SEC23A: variants seen among roughly 807,000 people sequenced by gnomAD.
The protein encoded by SEC23A is protein transport protein Sec23A.
Under a neutral mutation model 103.7 loss-of-function variants are expected in SEC23A, and 56 were observed. The ratio of observed to expected loss-of-function variants is 0.54; its 90% CI spans 0.44 to 0.67. SEC23A has a LOEUF of 0.67. Among genes scored for constraint, SEC23A ranks in the 30% least tolerant of loss-of-function variants. SEC23A has a pLI of 0.00. For missense variants in SEC23A, 784 were observed against 936.4 expected, an observed-to-expected ratio of 0.84 and a Z score of 2.12; for synonymous variants, 281 against 293.0, an observed-to-expected ratio of 0.96 and a Z score of 0.42.
intron 17 of SEC23A, chr14:39,041,187 T>A (rs994791148): frequency 1.3e-5 from 3 of 232,632 alleles, no homozygotes; most frequent in Admixed American, 1.0e-4. Context: ...AAGCTTATGA[T>A]ACGTGAAAGC....
rs563192076 is a variant in SEC23A, at chr14:39,065,714, T to C, written c.1228-721A>G. 1.8e-4 allele frequency among the ~76,000 whole-genome samples: 28 copies of C among 152,150 alleles called. 1 individual carries two copies. The highest frequency in any genetic ancestry group is 1.8e-3 in the Admixed American group (27 of 15,274). On this transcript the variant is annotated intron_variant, in intron 10 of 19. Transcript: ENST00000307712. The stretch of plus-strand genomic sequence containing the variant: ...CCTCTAACATCTTTAAGAAAACAAC[T>C]GTGGCCAGGCGCGGTAGCTCACGCC...
intron 7 of SEC23A, 76 bp downstream of exon 7, chr14:39,085,686 A>G: frequency 1.0e-6 from 1 of 1,002,324 alleles, no homozygotes; most frequent in Non-Finnish European, 1.4e-6. Flanking sequence ...TTATAATTAT[A>G]TATACACACA....
At chr14:39,101,386 G>A (rs776005075) in intron 1 of SEC23A, among the ~76,000 whole-genome samples, 66 of 151,868 alleles carry the variant, frequency 4.3e-4, no homozygotes, top group Non-Finnish European at 7.9e-4. Context: ...TTTGGAGGCC[G>A]AGGAGGGTGG....
At chr14:39,043,430 T>C (rs542795866) in intron 16 of SEC23A, among the ~76,000 whole-genome samples, 1 of 152,276 alleles carries the variant, frequency 6.6e-6, no homozygotes, top group Non-Finnish European at 1.5e-5. Context: ...TCAAGAAGAA[T>C]TCAAGGATAA....
Position 39,103,165 on chromosome 14 carries a change from T to C in SEC23A, c.-155A>G, listed in dbSNP as rs1888182619. ...CAGTCCGTGGCACCGCAATCAGGGG[T>C]GGCGCCACCCCGCCCCGGGCCTCAG... On this transcript the variant is annotated 5_prime_UTR_variant, in exon 1 of 20. Transcript: ENST00000307712. 6.8e-6 allele frequency: 1 copy of C among 146,810 alleles called. No individual in the cohort carries two copies. The highest frequency in any genetic ancestry group is 6.8e-5 in the Admixed American group (1 of 14,782). 9.1% of individuals were successfully genotyped at this position (146,810 alleles called of 1,614,324 possible).
intron 9 of SEC23A, among the ~76,000 whole-genome samples, chr14:39,070,682 G>A (rs914859665): frequency 6.6e-6 from 1 of 152,174 alleles, no homozygotes; most frequent in Non-Finnish European, 1.5e-5. Context: ...GTTTTTGGAA[G>A]GGAACTTATT....
intron 14 of SEC23A, among the ~76,000 whole-genome samples, chr14:39,050,939 T>C (rs922384298): frequency 1.3e-5 from 2 of 152,146 alleles, no homozygotes; most frequent in Admixed American, 6.6e-5. Context: ...ATAAATGACT[T>C]AGGTGATAAC....
At chr14:39,062,392 C>T (rs909209225) in intron 12 of SEC23A, among the ~76,000 whole-genome samples, 3 of 151,994 alleles carry the variant, frequency 2.0e-5, no homozygotes, top group Admixed American at 1.3e-4. Context: ...CAGAAAGTTC[C>T]AGATTTTGAA....
At position 39,086,916 on chromosome 14, in the gene SEC23A, T is replaced by C; in HGVS notation, c.683+13A>G. ...TACAGAAACGGTCAAATTCTCTTCA[T>C]CATATTTATTACCTGTTGGAAGGAG... On this transcript the variant is annotated intron_variant, in intron 6 of 19. Coordinates refer to ENST00000307712, the MANE Select transcript of SEC23A (RefSeq NM_006364.4). The C allele has an allele frequency of 2.6e-6, 4 of 1,515,112 alleles. No individual in the cohort carries two copies. The highest frequency in any genetic ancestry group is 1.4e-5 in the African/African-American group (1 of 72,954). 93.9% of individuals were successfully genotyped at this position (1,515,112 alleles called of 1,614,324 possible).
intron 9 of SEC23A, among the ~76,000 whole-genome samples, chr14:39,069,784 A>C (rs1886782761): frequency 6.6e-6 from 1 of 152,100 alleles, no homozygotes; most frequent in Admixed American, 6.6e-5. Context: ...TCAACTTTGT[A>C]CTTGCTATTC....
intron 13 of SEC23A, among the ~76,000 whole-genome samples, chr14:39,056,032 A>G (rs908853690): frequency 7.2e-5 from 11 of 152,254 alleles, no homozygotes; most frequent in African/African-American, 2.4e-4. Flanking sequence ...TCTGGGCCAC[A>G]TAGCAGGAGT....
Position 39,047,807 on chromosome 14 carries a change from A to C in SEC23A, c.1737+845T>G, listed in dbSNP as rs1403767917. Among the ~76,000 whole-genome samples, 3 of 152,220 alleles carry C rather than the reference A, an allele frequency of 2.0e-5. No homozygotes were observed. The East Asian group carries it at 5.8e-4, about 29-fold the overall frequency. On this transcript the variant is annotated intron_variant, in intron 15 of 19. Coordinates refer to ENST00000307712, the MANE Select transcript of SEC23A (RefSeq NM_006364.4). ...CCATGTCAGTCACCTGTATCCTCCT[A>C]AAGTTCCCTGCACACAGCACTCTAA...
At chr14:39,054,402 T>G (rs1340875480) in intron 14 of SEC23A, among the ~76,000 whole-genome samples, 1 of 152,216 alleles carries the variant, frequency 6.6e-6, no homozygotes, top group Non-Finnish European at 1.5e-5. Flanking sequence ...GCACACGACT[T>G]GGTAATCTAG....
chr14:39,076,029 G>C lies in SEC23A; in HGVS notation c.893C>G (p.Pro298Arg). The C allele has an allele frequency of 6.2e-7, 1 of 1,613,554 alleles. No individual in the cohort carries two copies. The highest frequency in any genetic ancestry group is 8.5e-7 in the Non-Finnish European group (1 of 1,179,834). The change falls in exon 8 of 20, where the codon CCT (proline) becomes CGT (arginine). Residue 298 changes from proline (P) to arginine (R), a missense_variant. Pro to Arg is a moderately radical substitution (Grantham distance 103, BLOSUM62 -2). Coordinates refer to ENST00000307712, the MANE Select transcript of SEC23A (RefSeq NM_006364.4). ...CAACTCATCTCCAACCACCATTCCA[G>C]GCCCCTGAGTAGCAGGACCACCAAT... ...MFIGGPATQG[P>R]GMVVGDELKT...
intron 7 of SEC23A, among the ~76,000 whole-genome samples, chr14:39,079,294 T>C (rs906144354): frequency 1.3e-5 from 2 of 152,100 alleles, no homozygotes; most frequent in South Asian, 4.1e-4. Flanking sequence ...AGTGACAGGA[T>C]CTAGAAAAAA....
chr14:39,100,307 G>A (rs910620437), intron 1 of SEC23A, among the ~76,000 whole-genome samples: 3 of 152,076 alleles, frequency 2.0e-5, no homozygotes, highest in Non-Finnish European at 4.4e-5. Context: ...TTCCATAGTA[G>A]GAGTCATGCA....
At chr14:39,096,302 A>G (rs1206664793) in intron 1 of SEC23A, among the ~76,000 whole-genome samples, 163 bp from the exon 2 acceptor site, 1 of 152,208 alleles carries the variant, frequency 6.6e-6, no homozygotes, top group East Asian at 1.9e-4. Context: ...AGGCCGAGAC[A>G]GGCGGATCAC....
chr14:39,084,189 T>C (rs1887344801), intron 7 of SEC23A, among the ~76,000 whole-genome samples: 1 of 142,514 alleles, frequency 7.0e-6, no homozygotes, highest in South Asian at 2.2e-4. Flanking sequence ...GCCCGGCTAG[T>C]TTTTTTTTTT....
At chr14:39,066,938 T>G (rs1046600830) in intron 10 of SEC23A, among the ~76,000 whole-genome samples, 37 of 152,130 alleles carry the variant, frequency 2.4e-4, no homozygotes, top group African/African-American at 8.0e-4. Flanking sequence ...TAAAGAATAT[T>G]TTACCAATAT....
Sources: gnomAD v4.1 joint callset for allele counts (sites outside exome capture counted in the v4.1 genomes callset) on GRCh38, gnomAD v4.1.1 for gene constraint, MANE v1.5 for transcripts, NCBI Gene and HGNC (gene_info 2026-07-23, HGNC 2026-07-21) for gene names.